Variants in MIA2 observed in about 807,000 individuals in gnomAD.
The protein encoded by MIA2 is melanoma inhibitory activity protein 2.
Under a neutral mutation model 167.8 loss-of-function variants are expected in MIA2, and 127 were observed. The ratio of observed to expected loss-of-function variants is 0.76; its 90% CI spans 0.66 to 0.88. The LOEUF (loss-of-function observed/expected upper bound fraction) is 0.88, where lower values mean the gene tolerates loss of function less well. MIA2 is among the 40% of genes least tolerant of loss of function. The pLI, the probability that MIA2 is intolerant of heterozygous loss-of-function variation, is 0.00. For synonymous variants in MIA2, 552 were observed against 541.9 expected, an observed-to-expected ratio of 1.02 and a Z score of -0.26; for missense variants, 1,690 against 1,624.7, an observed-to-expected ratio of 1.04 and a Z score of -0.69.
intron 9 of MIA2, among the ~76,000 whole-genome samples, chr14:39,288,523 G>C (rs2060266251): frequency 7.4e-6 from 1 of 134,964 alleles, no homozygotes; most frequent in African/African-American, 2.8e-5. Flanking sequence ...CACCCGGGCT[G>C]GAGTGGAATG....
chr14:39,334,629 C>T (rs1350410977), intron 25 of MIA2, among the ~76,000 whole-genome samples: 1 of 151,400 alleles, frequency 6.6e-6, no homozygotes, highest in African/African-American at 2.4e-5. Flanking sequence ...TGCAATGGTG[C>T]CATCTCAGCT....
intron 20 of MIA2, 199 bp downstream of exon 20, chr14:39,314,998 A>G (rs528241470): frequency 7.0e-6 from 3 of 426,068 alleles, no homozygotes; most frequent in South Asian, 1.9e-4. Context: ...AAATTGCTGT[A>G]TTGGCTGGGT....
intron 4 of MIA2, 43 bp from the exon 5 acceptor site, chr14:39,252,705 G>A (rs761696637): frequency 1.3e-5 from 20 of 1,485,136 alleles, no homozygotes; most frequent in Non-Finnish European, 1.8e-5. Flanking sequence ...CCTCAACAAA[G>A]CAAGTATTTT....
intron 2 of MIA2, chr14:39,237,283 A>G (rs1004406188): frequency 4.7e-5 from 24 of 511,042 alleles, no homozygotes; most frequent in African/African-American, 4.1e-4. Context: ...GTGTGTCACC[A>G]CGCCCGGCTA....
intron 3 of MIA2, among the ~76,000 whole-genome samples, chr14:39,241,727 A>G (rs996406810): frequency 1.3e-5 from 2 of 152,192 alleles, no homozygotes; most frequent in Admixed American, 6.5e-5. Context: ...AAAAACAAAA[A>G]ATCTGATTAT....
chr14:39,364,766 A>G (rs1354005814), intron 23 of MIA2, among the ~76,000 whole-genome samples: 2 of 151,766 alleles, frequency 1.3e-5, no homozygotes, highest in Admixed American at 1.3e-4. Context: ...TAGCACTGCA[A>G]TATATTATCT....
At chr14:39,333,512 T>A (rs2153023635) in intron 25 of MIA2, among the ~76,000 whole-genome samples, 1 of 152,284 alleles carries the variant, frequency 6.6e-6, no homozygotes, top group South Asian at 2.1e-4. Flanking sequence ...GATATCCCAA[T>A]CCCATTGCCT....
intron 24 of MIA2, among the ~76,000 whole-genome samples, chr14:39,324,765 C>G (rs2067138286): frequency 6.6e-6 from 1 of 152,006 alleles, no homozygotes; most frequent in Non-Finnish European, 1.5e-5. Context: ...TGCCACTGTA[C>G]CCAGCTAATT....
intron 23 of MIA2, chr14:39,385,518 T>C (rs1201589236): frequency 3.6e-6 from 3 of 843,868 alleles, no homozygotes; most frequent in Non-Finnish European, 6.3e-6. Context: ...CCACTATCTC[T>C]GTTCCATTTT....
At chr14:39,280,790 TC>T (rs2058798896) in intron 9 of MIA2, among the ~76,000 whole-genome samples, 1 of 152,108 alleles carries the variant, frequency 6.6e-6, no homozygotes, top group South Asian at 2.1e-4. Context: ...TATCATTTTT[TC>T]TTGGTTTTGG....
At chr14:39,242,737 T>C (rs1423846977) in intron 3 of MIA2, among the ~76,000 whole-genome samples, 1 of 152,160 alleles carries the variant, frequency 6.6e-6, no homozygotes, top group Non-Finnish European at 1.5e-5. Context: ...TATGTCAAGT[T>C]CCCTGGGAAA....
intron 23 of MIA2, among the ~76,000 whole-genome samples, chr14:39,372,967 A>G (rs1049329745): frequency 1.3e-5 from 2 of 152,194 alleles, no homozygotes; most frequent in African/African-American, 4.8e-5. Flanking sequence ...GAGTAATTCA[A>G]ATGTTCAAGG....
At chr14:39,328,037 A>G (rs1202998076) in intron 25 of MIA2, among the ~76,000 whole-genome samples, 1 of 152,184 alleles carries the variant, frequency 6.6e-6, no homozygotes, top group Non-Finnish European at 1.5e-5. Context: ...TGCTTGAGGA[A>G]TCGCCACACT....
At position 39,348,803 on chromosome 14, in the gene MIA2, G is replaced by A; in HGVS notation, c.3898G>A (p.Val1300Ile). Reference protein sequence around the residue: ...AENEATGPGFVPPPLAPIRGP... With the variant: ...AENEATGPGFIPPPLAPIRGP... The stretch of plus-strand genomic sequence containing the variant: ...AAATGAAGCCACTGGCCCTGGCTTT[G>A]TTCCTCCACCTCTTGCTCCAATCAG... Residue 1300 changes from valine (V) to isoleucine (I), a missense_variant, in exon 28 of 29, where the codon GTT becomes ATT. Transcript: ENST00000640607. 2 of 1,613,998 alleles carry A rather than the reference G, an allele frequency of 1.2e-6. No homozygotes were observed. The highest frequency in any genetic ancestry group is 1.7e-6 in the Non-Finnish European group (2 of 1,179,916).
In MIA2 at chr14:39,302,242, T is replaced by G; in HGVS notation, c.2733T>G (p.Ala911=). Residue 911 remains alanine (A), a synonymous_variant, in exon 15 of 29, where the codon GCT becomes GCG. Coordinates refer to ENST00000640607, the MANE Select transcript of MIA2 (RefSeq NM_001329214.4). ...TGAACAGTGAATCGGAAAATGGTGC[T>G]TACTTAGGTATTAAGTCATGACTCA... ...LEMNSESENG[A]YLDNPPKGAL... is the part of the protein sequence containing the mutation. 6.2e-7 allele frequency: 1 copy of G among 1,613,746 alleles called. No individual in the cohort carries two copies. The highest frequency in any genetic ancestry group is 8.5e-7 in the Non-Finnish European group (1 of 1,179,736).
intron 13 of MIA2, among the ~76,000 whole-genome samples, chr14:39,298,875 GGAGT>G (rs2061925750): frequency 6.6e-6 from 1 of 150,626 alleles, no homozygotes; most frequent in Non-Finnish European, 1.5e-5. Context: ...CTTGAGGCCA[GGAGT>G]TCAAGATCAG....
At position 39,288,399 on chromosome 14, in the gene MIA2, C is replaced by T. The variant is rs920688124; in HGVS notation, c.2131-2620C>T. ...CTTTCAGTCTGTGAATGTGATGTATCACATTAATTGATTTGAGCGTGTATA... is the reference window on the plus strand; with the variant it reads ...CTTTCAGTCTGTGAATGTGATGTATTACATTAATTGATTTGAGCGTGTATA... On this transcript the variant is annotated intron_variant, in intron 9 of 28. Transcript: ENST00000640607. Among the ~76,000 whole-genome samples, 6 of 138,258 alleles carry T rather than the reference C, an allele frequency of 4.3e-5. No individual in the cohort carries two copies. In the Admixed American group the frequency reaches 4.6e-4, roughly 11 times the overall value. 90.7% of individuals were successfully genotyped at this position (138,258 alleles called of 152,430 possible).
At chr14:39,321,081 A>G in intron 24 of MIA2, 25 bp downstream of exon 24, 1 of 1,586,560 alleles carries the variant, frequency 6.3e-7, no homozygotes, top group South Asian at 1.2e-5. Context: ...CATCTTTATT[A>G]CTCTAGATTT....
intron 4 of MIA2, among the ~76,000 whole-genome samples, chr14:39,252,071 G>C (rs966263142): frequency 1.2e-5 from 1 of 83,842 alleles, no homozygotes; most frequent in Admixed American, 1.1e-4. Context: ...GGACAAAAAG[G>C]CACGTTAGAG....
Sources: gnomAD v4.1 joint callset for allele counts (sites outside exome capture counted in the v4.1 genomes callset) on GRCh38, gnomAD v4.1.1 for gene constraint, MANE v1.5 for transcripts, NCBI Gene and HGNC (gene_info 2026-07-23, HGNC 2026-07-21) for gene names.